CSMD1: variants seen among roughly 807,000 people sequenced by gnomAD.
CSMD1 encodes CUB and sushi domain-containing protein 1.
Under a neutral mutation model 417.5 loss-of-function variants are expected in CSMD1, and 213 were observed. That is an observed-to-expected ratio of 0.51 (90% CI 0.46 to 0.57). The LOEUF (loss-of-function observed/expected upper bound fraction) is 0.57, where lower values mean the gene tolerates loss of function less well. Among genes scored for constraint, CSMD1 ranks in the 20% least tolerant of loss-of-function variants. The pLI is 0.00. For missense variants in CSMD1, 6,923 were observed against 4,529.7 expected (o/e 1.53, Z -15.17); for synonymous variants, 2,862 against 1,736.8 (o/e 1.65, Z -16.11).
At chr8:2,994,383 A>G (rs1806689011) in intron 54 of CSMD1, among the ~76,000 whole-genome samples, 1 of 152,060 alleles carries the variant, frequency 6.6e-6, no homozygotes, top group Admixed American at 6.5e-5. Flanking sequence ...TTCCCCACAC[A>G]CAGAAGTGTG....
At position 3,851,423 on chromosome 8, in the gene CSMD1, T is replaced by C. The variant is rs1157036112; in HGVS notation, c.819-97381A>G. Reference sequence around the variant, plus strand: ...GGACATATGTAGCACTACCAATTTCTCAGTGCTGAGTATTGCACTTCTACT... The same window carrying C: ...GGACATATGTAGCACTACCAATTTCCCAGTGCTGAGTATTGCACTTCTACT... On this transcript the variant is annotated intron_variant, in intron 5 of 69. Transcript: ENST00000635120. Among the ~76,000 whole-genome samples the C allele has an allele frequency of 4.6e-5, 7 of 152,328 alleles. No individual in the cohort carries two copies. The East Asian group carries it at 9.7e-4, about 21-fold the overall frequency.
intron 25 of CSMD1, among the ~76,000 whole-genome samples, chr8:3,289,047 A>G (rs1473128066): frequency 6.8e-6 from 1 of 146,868 alleles, no homozygotes; most frequent in South Asian, 2.1e-4. Flanking sequence ...TCATTGTTCA[A>G]TTCCCACCTA....
In CSMD1 at chr8:4,348,453, T is replaced by G. The variant is rs1476047815; in HGVS notation, c.415+71500A>C. Among the ~76,000 whole-genome samples, 3 of 152,192 alleles carry G rather than the reference T, an allele frequency of 2.0e-5. No individual in the cohort carries two copies. The East Asian group carries it at 5.8e-4, about 29-fold the overall frequency. On this transcript the variant is annotated intron_variant, in intron 3 of 69. Coordinates refer to ENST00000635120, the MANE Select transcript of CSMD1 (RefSeq NM_033225.6). Reference sequence around the variant, plus strand: ...AAATCAGAATATTAGGCCTTTCTGATCATTTGCTGAAGTATCTTCATATTT... The same window carrying G: ...AAATCAGAATATTAGGCCTTTCTGAGCATTTGCTGAAGTATCTTCATATTT...
At chr8:3,621,433 G>C (rs937734202) in intron 7 of CSMD1, among the ~76,000 whole-genome samples, 1 of 152,094 alleles carries the variant, frequency 6.6e-6, no homozygotes. Context: ...CCAGGGGCTG[G>C]GGCAAAGGGA....
chr8:3,987,814 C>G (rs1814449644), intron 5 of CSMD1, among the ~76,000 whole-genome samples: 1 of 152,162 alleles, frequency 6.6e-6, no homozygotes, highest in Non-Finnish European at 1.5e-5. Flanking sequence ...CTTATCCAAA[C>G]CCATAGTTCC....
intron 5 of CSMD1, among the ~76,000 whole-genome samples, chr8:3,889,353 C>G (rs1394920989): frequency 2.0e-5 from 3 of 149,978 alleles, no homozygotes; most frequent in African/African-American, 4.9e-5. Context: ...GGTACTAAAA[C>G]AAATTTTGCT....
At chr8:4,282,309 G>GAT (rs1796830109) in intron 3 of CSMD1, among the ~76,000 whole-genome samples, 1 of 152,132 alleles carries the variant, frequency 6.6e-6, no homozygotes, top group South Asian at 2.1e-4. Context: ...CAGGAACACT[G>GAT]GAGCACGCCC....
chr8:3,318,711 G>A (rs928970038), intron 23 of CSMD1, among the ~76,000 whole-genome samples: 3 of 152,102 alleles, frequency 2.0e-5, no homozygotes, highest in Non-Finnish European at 2.9e-5. Context: ...TTTGGGTGGT[G>A]GTCACAGGAG....
intron 1 of CSMD1, among the ~76,000 whole-genome samples, chr8:4,690,599 A>T (rs910076070): frequency 3.3e-5 from 5 of 152,246 alleles, no homozygotes; most frequent in African/African-American, 1.2e-4. Context: ...AGCAAAAAGC[A>T]TGCTTGTTCC....
chr8:4,570,208 T>C (rs1563296125), intron 2 of CSMD1, among the ~76,000 whole-genome samples: 1 of 152,202 alleles, frequency 6.6e-6, no homozygotes, highest in African/African-American at 2.4e-5. Flanking sequence ...GGCATCCTTG[T>C]CTTTTGCTGG....
chr8:4,500,880 C>T (rs920304046), intron 2 of CSMD1, among the ~76,000 whole-genome samples: 4 of 152,134 alleles, frequency 2.6e-5, no homozygotes, highest in Non-Finnish European at 4.4e-5. Context: ...CCTTATTCCA[C>T]GTTCTCTGCA....
intron 37 of CSMD1, among the ~76,000 whole-genome samples, chr8:3,171,782 T>C (rs1820598048): frequency 6.6e-6 from 1 of 152,226 alleles, no homozygotes; most frequent in African/African-American, 2.4e-5. Flanking sequence ...TCTAGCTCTC[T>C]ATTGAAATAC....
At chr8:4,355,717 G>C (rs536692129) in intron 3 of CSMD1, among the ~76,000 whole-genome samples, 2 of 152,176 alleles carry the variant, frequency 1.3e-5, no homozygotes. Context: ...TAAGGGTCCA[G>C]CAATGCATCT....
chr8:4,548,945 T>C (rs529460569), intron 2 of CSMD1, among the ~76,000 whole-genome samples: 1 of 152,326 alleles, frequency 6.6e-6, no homozygotes, highest in African/African-American at 2.4e-5. Context: ...ATTTGATCTA[T>C]CTAAGTTAAT....
rs114863840 is a variant in CSMD1 at position 4,934,811 on chromosome 8, A to G, written c.85+59521T>C. ...TCATCTATTATCTATAAACCTACCT[A>G]TCATGTATCAATCACCTATCATCCA... On this transcript the variant is annotated intron_variant, in intron 1 of 69. Coordinates refer to ENST00000635120, the MANE Select transcript of CSMD1 (RefSeq NM_033225.6). 2.8e-3 allele frequency among the ~76,000 whole-genome samples: 426 copies of G among 152,120 alleles called. 6 individuals are homozygous for G. The highest frequency in any genetic ancestry group is 9.2e-3 in the African/African-American group (381 of 41,536).
intron 18 of CSMD1, among the ~76,000 whole-genome samples, chr8:3,375,549 A>G (rs1810254795): frequency 6.6e-6 from 1 of 152,114 alleles, no homozygotes; most frequent in Non-Finnish European, 1.5e-5. Flanking sequence ...TTATATGAAT[A>G]CATTATATAT....
chr8:4,993,266 A>G (rs181658026), intron 1 of CSMD1, among the ~76,000 whole-genome samples: 2 of 152,336 alleles, frequency 1.3e-5, no homozygotes, highest in African/African-American at 4.8e-5. Flanking sequence ...CCCTTTGTAG[A>G]TACAGATACT....
intron 5 of CSMD1, among the ~76,000 whole-genome samples, chr8:3,838,185 C>G (rs927495393): frequency 6.6e-5 from 10 of 152,034 alleles, no homozygotes; most frequent in Admixed American, 5.3e-4. Flanking sequence ...CAGACACAGA[C>G]CCTGCCTTCC....
chr8:3,657,623 C>T (rs1405757875), intron 7 of CSMD1, among the ~76,000 whole-genome samples: 3 of 152,074 alleles, frequency 2.0e-5, no homozygotes, highest in Non-Finnish European at 4.4e-5. Flanking sequence ...CATATTCTCA[C>T]TCATAAGTGG....
Sources: allele counts gnomAD v4.1 joint callset (sites outside exome capture counted in the v4.1 genomes callset), GRCh38; gene constraint gnomAD v4.1.1; transcripts MANE v1.5; gene names NCBI Gene and HGNC (gene_info 2026-07-23, HGNC 2026-07-21).